PDS5B: variants seen among roughly 807,000 people sequenced by gnomAD.
PDS5B encodes sister chromatid cohesion protein PDS5 homolog B.
In PDS5B, 51 loss-of-function variants were observed where a neutral mutation model predicts 184.1. The ratio of observed to expected loss-of-function variants is 0.28; its 90% CI spans 0.22 to 0.35. The LOEUF is 0.35. Ranked by LOEUF, PDS5B falls within the 10% of genes least tolerant of loss-of-function variation. The pLI is 1.00. For missense variants in PDS5B, 1,180 were observed against 1,723.3 expected, an observed-to-expected ratio of 0.68 and a Z score of 5.58; for synonymous variants, 566 against 569.2, an observed-to-expected ratio of 0.99 and a Z score of 0.08.
Position 32,651,854 on chromosome 13 carries a change from G to A in PDS5B, c.159G>A (p.Lys53=), listed in dbSNP as rs189759038. ...MDMDQDSEEE[K]ELYLNLALHL... ...TGGACCAGGACTCTGAAGAAGAAAA[G>A]GAGCTTTATTTAAACCTAGCTTTAC... is the stretch of plus-strand genomic sequence containing the variant. The change falls in exon 3 of 35, where the codon AAG becomes AAA. Residue 53 remains lysine, a synonymous_variant. Coordinates refer to ENST00000315596, the MANE Select transcript of PDS5B (RefSeq NM_015032.4). 7.0e-5 allele frequency: 113 copies of A among 1,613,334 alleles called. 2 individuals are homozygous for A. In the East Asian group the frequency reaches 2.4e-3, roughly 35 times the overall value.
intron 1 of PDS5B, among the ~76,000 whole-genome samples, chr13:32,618,238 A>G (rs981098345): frequency 6.6e-6 from 1 of 152,236 alleles, no homozygotes; most frequent in African/African-American, 2.4e-5. Context: ...ACTAACTTGA[A>G]TTCACTAACT....
intron 33 of PDS5B, among the ~76,000 whole-genome samples, chr13:32,772,456 T>C (rs1954821271): frequency 6.6e-6 from 1 of 152,148 alleles, no homozygotes; most frequent in South Asian, 2.1e-4. Context: ...ATCTTGAGAA[T>C]AGTAGGGGCT....
chr13:32,746,153 A>T, intron 24 of PDS5B, 53 bp downstream of exon 24: 1 of 1,503,654 alleles, frequency 6.7e-7, no homozygotes, highest in Middle Eastern at 1.7e-4. Flanking sequence ...ACTTTTAGGA[A>T]GGAAAAACAT....
chr13:32,740,445 T>C (rs958193899), intron 21 of PDS5B, among the ~76,000 whole-genome samples: 2 of 152,174 alleles, frequency 1.3e-5, no homozygotes, highest in African/African-American at 4.8e-5. Context: ...TTTTTAGATG[T>C]TGGGGGCTAC....
At chr13:32,757,038 T>C (rs1336259627) in intron 26 of PDS5B, among the ~76,000 whole-genome samples, 1 of 151,858 alleles carries the variant, frequency 6.6e-6, no homozygotes, top group African/African-American at 2.4e-5. Flanking sequence ...GGCAGGAGAA[T>C]TGCTTGAACC....
intron 24 of PDS5B, among the ~76,000 whole-genome samples, chr13:32,746,841 C>G (rs1023488973): frequency 7.2e-5 from 11 of 152,286 alleles, no homozygotes; most frequent in Middle Eastern, 6.8e-3. Context: ...ATTTACTTTG[C>G]AAATGACCCA....
intron 1 of PDS5B, among the ~76,000 whole-genome samples, chr13:32,589,352 T>C (rs575459861): frequency 1.3e-5 from 2 of 152,322 alleles, no homozygotes; most frequent in Admixed American, 1.3e-4. Context: ...CTCCATCCCC[T>C]TCTCACCTTT....
intron 1 of PDS5B, among the ~76,000 whole-genome samples, chr13:32,615,419 G>A (rs1022257300): frequency 2.2e-4 from 33 of 151,376 alleles, no homozygotes; most frequent in Non-Finnish European, 8.8e-5. Flanking sequence ...GAGTGATTAG[G>A]AAGATCCCTG....
chr13:32,657,059 T>A lies in PDS5B; in HGVS notation c.313-1180T>A, dbSNP rs1287822648. Among the ~76,000 whole-genome samples the A allele has an allele frequency of 3.3e-5, 5 of 152,332 alleles. No individual in the cohort carries two copies. The East Asian group carries it at 9.6e-4, about 29-fold the overall frequency. ...TGAGAAGAATGTATATTCTGTTGTT[T>A]TGAATGGAGAGTTCTGTAGATGTCT... On this transcript the variant is annotated intron_variant, in intron 3 of 34. Transcript: ENST00000315596.
chr13:32,688,311 G>A, intron 12 of PDS5B, 145 bp from the exon 13 acceptor site: 2 of 538,256 alleles, frequency 3.7e-6, no homozygotes, highest in Non-Finnish European at 6.6e-6. Flanking sequence ...TCTACAGATA[G>A]AAGGTTTTGA....
intron 7 of PDS5B, among the ~76,000 whole-genome samples, chr13:32,671,635 G>T (rs1043461225): frequency 7.2e-5 from 11 of 152,258 alleles, no homozygotes; most frequent in Middle Eastern, 3.4e-3. Context: ...AATAGAATTT[G>T]TTCTTCTTTC....
chr13:32,730,183 C>T (rs1458544590), intron 19 of PDS5B, among the ~76,000 whole-genome samples: 1 of 152,160 alleles, frequency 6.6e-6, no homozygotes, highest in Non-Finnish European at 1.5e-5. Context: ...GTTTTCCCAG[C>T]AACCTTTATT....
chr13:32,725,786 C>T lies in PDS5B; in HGVS notation c.2124-6315C>T, dbSNP rs76617728. Among the ~76,000 whole-genome samples, 936 of 152,234 alleles carry T rather than the reference C, an allele frequency of 6.1e-3. 17 individuals carry two copies. Among genetic ancestry groups the T allele is most frequent in the African/African-American group, 0.022 (904 of 41,534 alleles). On this transcript the variant is annotated intron_variant, in intron 19 of 34. Coordinates refer to ENST00000315596, the MANE Select transcript of PDS5B (RefSeq NM_015032.4). ...AACTCAATTGCTTTATCTCATAATA[C>T]ATCCATAGCAGTCTCATGATAGCAG...
At chr13:32,763,112 A>G (rs924330872) in intron 30 of PDS5B, among the ~76,000 whole-genome samples, 2 of 152,116 alleles carry the variant, frequency 1.3e-5, no homozygotes, top group Non-Finnish European at 2.9e-5. Flanking sequence ...TGAAGTAGGT[A>G]TATTTGAGAA....
intron 10 of PDS5B, among the ~76,000 whole-genome samples, chr13:32,680,757 G>A (rs1308772013): frequency 6.6e-6 from 1 of 152,160 alleles, no homozygotes; most frequent in African/African-American, 2.4e-5. Context: ...CTTTTGAAGA[G>A]TGTAGTGTAT....
intron 9 of PDS5B, among the ~76,000 whole-genome samples, chr13:32,678,500 A>G (rs546396240): frequency 1.3e-5 from 2 of 152,348 alleles, no homozygotes; most frequent in East Asian, 1.9e-4. Context: ...TCTATGAACT[A>G]TATATGCACA....
At chr13:32,716,847 G>T (rs1160084092) in intron 19 of PDS5B, among the ~76,000 whole-genome samples, 1 of 131,806 alleles carries the variant, frequency 7.6e-6, no homozygotes. Context: ...GAGGTTGGGG[G>T]GTCAGCCCCC....
chr13:32,591,901 C>T (rs913686998), intron 1 of PDS5B, among the ~76,000 whole-genome samples: 2 of 152,144 alleles, frequency 1.3e-5, no homozygotes, highest in Non-Finnish European at 2.9e-5. Flanking sequence ...GCTCATGGCA[C>T]CTTGACGGGG....
chr13:32,660,893 T>C (rs1366321098), intron 6 of PDS5B, among the ~76,000 whole-genome samples: 5 of 152,178 alleles, frequency 3.3e-5, no homozygotes, highest in Non-Finnish European at 7.3e-5. Context: ...GGTGGAAATT[T>C]CTCAAGGCAA....
Sources: allele counts gnomAD v4.1 joint callset (sites outside exome capture counted in the v4.1 genomes callset), GRCh38; gene constraint gnomAD v4.1.1; transcripts MANE v1.5; gene names NCBI Gene and HGNC (gene_info 2026-07-23, HGNC 2026-07-21).